Variants in NHS observed in about 807,000 individuals in gnomAD.
NHS encodes the protein NHS actin remodeling regulator.
A neutral mutation model predicts 72.5 loss-of-function variants in NHS; 5 were observed. That is an observed-to-expected ratio of 0.07 (90% CI 0.04 to 0.14). NHS has a LOEUF of 0.14. NHS is among the 10% of genes least tolerant of loss of function. The probability of loss-of-function intolerance (pLI) is 1.00; values close to 1 mark genes in which losing one functional copy is unlikely to be tolerated. For synonymous variants in NHS, 464 were observed against 547.7 expected, an observed-to-expected ratio of 0.85 and a Z score of 2.13; for missense variants, 1,072 against 1,355.7, an observed-to-expected ratio of 0.79 and a Z score of 3.29.
At position 17,386,663 on chromosome X, in the gene NHS, C is replaced by CAA. The variant is rs1184465152; in HGVS notation, c.565+10361_565+10362dup. Among the ~76,000 whole-genome samples, 156 of 38,123 alleles carry CAA rather than the reference C, an allele frequency of 4.1e-3. 2 individuals are homozygous for CAA. The highest frequency in any genetic ancestry group is 0.015 in the Middle Eastern group (1 of 66). 33.1% of individuals were successfully genotyped at this position (38,123 alleles called of 115,157 possible). On this transcript the variant is annotated intron_variant, in intron 1 of 8. Transcript: ENST00000676302. ...GGGCAGCAAGAGCAAAACTCTGTCT[C>CAA]AAAAAAAAAAAAAAAAAAAAAGAAA...
chrX:17,597,449 G>GA (rs2065630420), intron 1 of NHS, among the ~76,000 whole-genome samples: 1 of 97,079 alleles, frequency 1.0e-5, no homozygotes, highest in Non-Finnish European at 2.1e-5. Flanking sequence ...TTTTTTTTAA[G>GA]AAAAAACAAA....
At chrX:17,380,476 C>T (rs1033655473) in intron 1 of NHS, among the ~76,000 whole-genome samples, 3 of 109,876 alleles carry the variant, frequency 2.7e-5, no homozygotes, top group African/African-American at 1.0e-4. Flanking sequence ...TCTCGGCCCC[C>T]CAAGTAGCTA....
At chrX:17,483,180 C>A (rs1465888368) in intron 1 of NHS, among the ~76,000 whole-genome samples, 4 of 112,150 alleles carry the variant, frequency 3.6e-5, no homozygotes, top group Non-Finnish European at 7.5e-5. Context: ...AATAATGTTT[C>A]TTAATGCGTA....
intron 1 of NHS, among the ~76,000 whole-genome samples, chrX:17,647,056 T>C (rs1056906766): frequency 8.9e-6 from 1 of 111,839 alleles, no homozygotes; most frequent in African/African-American, 3.3e-5. Context: ...GATTTTTTTG[T>C]GTGTGTTTGT....
In NHS at chrX:17,445,557, G is replaced by A. The variant is rs745771283; in HGVS notation, c.565+69235G>A. On this transcript the variant is annotated intron_variant, in intron 1 of 8. Transcript: ENST00000676302. The stretch of plus-strand genomic sequence containing the variant: ...ACCAAACATTGATCTTGGACTCTTG[G>A]CAGAGTTAAGACTTGAGTAAAACTG... Among the ~76,000 whole-genome samples the A allele has an allele frequency of 3.6e-5, 4 of 110,884 alleles. No homozygotes were observed. In the South Asian group the frequency reaches 1.5e-3, roughly 43 times the overall value.
At chrX:17,410,351 A>G (rs2064551333) in intron 1 of NHS, among the ~76,000 whole-genome samples, 1 of 110,905 alleles carries the variant, frequency 9.0e-6, no homozygotes, top group Non-Finnish European at 1.9e-5. Flanking sequence ...GCATAAACAC[A>G]GATTGAATTA....
chrX:17,707,026 C>A (rs948447464), intron 3 of NHS, among the ~76,000 whole-genome samples: 4 of 111,964 alleles, frequency 3.6e-5, no homozygotes, highest in Non-Finnish European at 5.6e-5. Context: ...CTGCTTTCAC[C>A]CTGCAGTAGA....
chrX:17,499,969 G>T (rs1036569166), intron 1 of NHS, among the ~76,000 whole-genome samples: 1 of 112,367 alleles, frequency 8.9e-6, no homozygotes, highest in Non-Finnish European at 1.9e-5. Context: ...GCTTCATGTG[G>T]ATAGTCAAAT....
At chrX:17,536,799 C>A (rs184387267) in intron 1 of NHS, among the ~76,000 whole-genome samples, 1 of 112,500 alleles carries the variant, frequency 8.9e-6, no homozygotes, top group East Asian at 2.8e-4. Flanking sequence ...GTTGACTAAT[C>A]AACAAGTTGT....
chrX:17,652,270 G>A, intron 1 of NHS, among the ~76,000 whole-genome samples: 1 of 112,692 alleles, frequency 8.9e-6, no homozygotes, highest in Non-Finnish European at 1.9e-5. Flanking sequence ...ACATCAGTAT[G>A]TCGAAGAGAC....
At chrX:17,549,976 G>A (rs2081764925) in intron 1 of NHS, among the ~76,000 whole-genome samples, 1 of 111,607 alleles carries the variant, frequency 9.0e-6, no homozygotes, top group Non-Finnish European at 1.9e-5. Flanking sequence ...TATTACTAAT[G>A]GGGAGCTCAA....
intron 1 of NHS, among the ~76,000 whole-genome samples, chrX:17,575,968 C>A (rs1466864582): frequency 8.9e-6 from 1 of 111,806 alleles, no homozygotes; most frequent in Admixed American, 9.5e-5. Flanking sequence ...AATTTCAACA[C>A]AAAGAGGCCA....
At chrX:17,494,508 C>G (rs1486994229) in intron 1 of NHS, among the ~76,000 whole-genome samples, 1 of 112,456 alleles carries the variant, frequency 8.9e-6, no homozygotes. Context: ...GAATCCTCCC[C>G]CTTCTGTTTA....
At chrX:17,590,996 G>T (rs1444252430) in intron 1 of NHS, among the ~76,000 whole-genome samples, 1 of 112,001 alleles carries the variant, frequency 8.9e-6, no homozygotes, top group Non-Finnish European at 1.9e-5. Context: ...ATAAAAAGAA[G>T]TTTTCTTGAG....
intron 1 of NHS, among the ~76,000 whole-genome samples, chrX:17,475,783 G>A: frequency 8.9e-6 from 1 of 112,155 alleles, no homozygotes; most frequent in African/African-American, 3.2e-5. Context: ...GCACATTAGT[G>A]CAAACTGGGT....
At chrX:17,507,866 T>C (rs776340286) in intron 1 of NHS, among the ~76,000 whole-genome samples, 20 of 111,673 alleles carry the variant, frequency 1.8e-4, no homozygotes, top group Non-Finnish European at 3.4e-4. Flanking sequence ...GGCTTTGGTG[T>C]TTCACCTTCT....
chrX:17,404,591 C>T (rs2064519039), intron 1 of NHS, among the ~76,000 whole-genome samples: 1 of 111,120 alleles, frequency 9.0e-6, no homozygotes, highest in African/African-American at 3.3e-5. Flanking sequence ...CCATATGAGC[C>T]TGGTCCCAGC....
intron 1 of NHS, among the ~76,000 whole-genome samples, chrX:17,641,516 T>C (rs1352738869): frequency 2.7e-5 from 3 of 112,052 alleles, no homozygotes. Context: ...AAAATAACTA[T>C]GAATTTGGAA....
At chrX:17,654,109 A>G (rs754662729) in intron 1 of NHS, among the ~76,000 whole-genome samples, 9 of 111,706 alleles carry the variant, frequency 8.1e-5, no homozygotes, top group Non-Finnish European at 1.7e-4. Context: ...CCCCTCGGTG[A>G]CATTTGACAT....
Sources: allele counts gnomAD v4.1 joint callset (sites outside exome capture counted in the v4.1 genomes callset), GRCh38; gene constraint gnomAD v4.1.1; transcripts MANE v1.5; gene names NCBI Gene and HGNC (gene_info 2026-07-23, HGNC 2026-07-21).